The following DPYD variants were observed in gnomAD, a reference collection of about 807,000 sequenced individuals.
DPYD encodes dihydropyrimidine dehydrogenase [NADP(+)].
In DPYD, 109 loss-of-function variants were observed where a neutral mutation model predicts 116.2. The observed-to-expected ratio is 0.94, with a 90% confidence interval of 0.80 to 1.10. The LOEUF is 1.10. Ranked by LOEUF, DPYD falls within the 50% of genes least tolerant of loss-of-function variation. DPYD has a pLI of 0.00. For synonymous variants in DPYD, 440 were observed against 432.0 expected (o/e 1.02, Z -0.23); for missense variants, 1,302 against 1,254.5 (o/e 1.04, Z -0.57).
intron 20 of DPYD, among the ~76,000 whole-genome samples, chr1:97,107,071 A>C (rs1004321591): frequency 6.6e-6 from 1 of 152,056 alleles, no homozygotes; most frequent in Non-Finnish European, 1.5e-5. Context: ...CCAAGGCTCC[A>C]ATATTGATCT....
At chr1:97,777,159 T>C (rs528401911) in intron 3 of DPYD, among the ~76,000 whole-genome samples, 1 of 152,208 alleles carries the variant, frequency 6.6e-6, no homozygotes, top group Non-Finnish European at 1.5e-5. Context: ...CACCTAGTTG[T>C]AAAAATTTTA....
At chr1:97,780,086 C>T (rs1426678423) in intron 3 of DPYD, among the ~76,000 whole-genome samples, 1 of 152,104 alleles carries the variant, frequency 6.6e-6, no homozygotes, top group Admixed American at 6.6e-5. Flanking sequence ...GTTGTGTTCT[C>T]CCACAAAAGC....
chr1:97,472,506 G>A (rs1319710865), intron 13 of DPYD, among the ~76,000 whole-genome samples: 2 of 152,136 alleles, frequency 1.3e-5, no homozygotes, highest in African/African-American at 2.4e-5. Context: ...GGACACCTCC[G>A]TATATTTTTC....
chr1:97,329,588 A>G (rs1431952464), intron 16 of DPYD, among the ~76,000 whole-genome samples: 2 of 151,496 alleles, frequency 1.3e-5, no homozygotes, highest in Non-Finnish European at 2.9e-5. Flanking sequence ...ATCTACTAAA[A>G]ATTAAAAAAA....
At chr1:97,272,991 T>C (rs1664693549) in intron 18 of DPYD, among the ~76,000 whole-genome samples, 1 of 152,076 alleles carries the variant, frequency 6.6e-6, no homozygotes, top group African/African-American at 2.4e-5. Flanking sequence ...GAAGTCAATG[T>C]ACAAAACTTT....
At chr1:97,216,083 T>A (rs1335433398) in intron 19 of DPYD, among the ~76,000 whole-genome samples, 1 of 152,226 alleles carries the variant, frequency 6.6e-6, no homozygotes, top group East Asian at 1.9e-4. Flanking sequence ...TTTTCCATAA[T>A]GCATTTTTCT....
intron 20 of DPYD, among the ~76,000 whole-genome samples, chr1:97,173,796 G>A (rs1324478558): frequency 1.4e-5 from 2 of 146,910 alleles, no homozygotes; most frequent in African/African-American, 2.5e-5. Flanking sequence ...AAAGATGTGC[G>A]ATACTTGTTT....
chr1:97,526,184 A>C (rs572118783), intron 12 of DPYD, among the ~76,000 whole-genome samples: 2 of 152,154 alleles, frequency 1.3e-5, no homozygotes, highest in African/African-American at 4.8e-5. Flanking sequence ...ACTTATCATG[A>C]GTTACAGGAA....
rs1468029004 is a variant in DPYD, at chr1:97,098,439, A to G, written c.2766+50T>C. On this transcript the variant is annotated intron_variant, in intron 21 of 22. Coordinates refer to ENST00000370192, the MANE Select transcript of DPYD (RefSeq NM_000110.4). ...AAATAAACATTTTAACTATATTTGT[A>G]TATTTAACCAGTAAAGTAGGCATAC... is the stretch of plus-strand genomic sequence containing the variant. 2.5e-6 allele frequency: 4 copies of G among 1,579,974 alleles called. No homozygotes were observed. The Admixed American group carries it at 6.7e-5, about 26-fold the overall frequency.
chr1:97,517,462 C>T (rs192434992), intron 12 of DPYD, among the ~76,000 whole-genome samples: 30 of 152,034 alleles, frequency 2.0e-4, no homozygotes, highest in African/African-American at 6.3e-4. Context: ...CGAATATATA[C>T]GATATCATCC....
chr1:97,523,539 C>T (rs1204956741), intron 12 of DPYD, among the ~76,000 whole-genome samples: 1 of 152,116 alleles, frequency 6.6e-6, no homozygotes, highest in African/African-American at 2.4e-5. Context: ...AGAACCTCAG[C>T]ATTATATAAT....
intron 2 of DPYD, among the ~76,000 whole-genome samples, chr1:97,837,758 C>T (rs953604575): frequency 2.6e-5 from 4 of 152,060 alleles, no homozygotes; most frequent in Admixed American, 2.0e-4. Flanking sequence ...CATAAACTCT[C>T]CATCCTGAAA....
chr1:97,839,659 A>G (rs1669947816), intron 2 of DPYD, among the ~76,000 whole-genome samples: 1 of 152,232 alleles, frequency 6.6e-6, no homozygotes, highest in African/African-American at 2.4e-5. Flanking sequence ...GCTGTTAGGA[A>G]TAATGCTATA....
intron 13 of DPYD, among the ~76,000 whole-genome samples, chr1:97,460,739 T>C (rs1676969143): frequency 6.6e-6 from 1 of 152,112 alleles, no homozygotes; most frequent in Non-Finnish European, 1.5e-5. Context: ...GATTAACTCC[T>C]TGCAAAAGAA....
intron 18 of DPYD, among the ~76,000 whole-genome samples, chr1:97,275,869 C>G (rs1245129499): frequency 6.6e-6 from 1 of 152,158 alleles, no homozygotes; most frequent in Non-Finnish European, 1.5e-5. Context: ...CTGCACATGG[C>G]TTATCATGCC....
intron 19 of DPYD, among the ~76,000 whole-genome samples, chr1:97,196,802 A>T (rs1382228093): frequency 6.6e-6 from 1 of 152,214 alleles, no homozygotes; most frequent in Non-Finnish European, 1.5e-5. Context: ...AGATATAGAC[A>T]TTAACAGAGG....
intron 14 of DPYD, among the ~76,000 whole-genome samples, chr1:97,407,436 C>T (rs569636600): frequency 2.6e-5 from 4 of 152,174 alleles, no homozygotes; most frequent in South Asian, 4.1e-4. Flanking sequence ...ATAATCCTGG[C>T]GTGTACATTA....
chr1:97,098,553 T>G lies in DPYD; in HGVS notation c.2702A>C (p.Asn901Thr). The G allele has an allele frequency of 6.2e-7, 1 of 1,613,322 alleles. No individual in the cohort carries two copies. The highest frequency in any genetic ancestry group is 8.5e-7 in the Non-Finnish European group (1 of 1,179,534). Residue 901 changes from asparagine (N) to threonine (T), a missense_variant, in exon 21 of 23, where the codon AAT becomes ACT. Physicochemically the swap from Asn to Thr is moderately conservative, Grantham distance 65. Transcript: ENST00000370192. ...AENKIRLKEQ[N>T]VAFSPLKRNC... is the part of the protein sequence containing the mutation. ...TCTCTTAAGTGGTGAAAAAGCTACA[T>G]TTTGTTCTTTCAGTCTAATCTTGTT...
At chr1:97,586,761 C>A (rs551903044) in intron 10 of DPYD, among the ~76,000 whole-genome samples, 1 of 151,750 alleles carries the variant, frequency 6.6e-6, no homozygotes, top group African/African-American at 2.4e-5. Context: ...AGAATTCTGA[C>A]AATTTCACCT....
Sources: allele counts gnomAD v4.1 joint callset (sites outside exome capture counted in the v4.1 genomes callset), GRCh38; gene constraint gnomAD v4.1.1; transcripts MANE v1.5; gene names NCBI Gene and HGNC (gene_info 2026-07-23, HGNC 2026-07-21).